The following SYT9 variants were observed in gnomAD, a reference collection of about 807,000 sequenced individuals.
SYT9 encodes synaptotagmin-9.
SYT9 carries 22 observed loss-of-function variants against 48.4 expected under a neutral mutation model. The observed-to-expected ratio is 0.45, with a 90% CI of 0.32 to 0.65. SYT9 has a LOEUF of 0.65. SYT9 is among the 30% of genes least tolerant of loss of function. The pLI is 0.03. For synonymous variants in SYT9, 265 were observed against 245.0 expected (o/e 1.08, Z -0.76); for missense variants, 577 against 622.0 (o/e 0.93, Z 0.77).
chr11:7,402,002 CTTTG>C (rs373379007), intron 3 of SYT9, among the ~76,000 whole-genome samples: 2 of 151,838 alleles, frequency 1.3e-5, no homozygotes, highest in Non-Finnish European at 2.9e-5. Flanking sequence ...ATAAGCACTA[CTTTG>C]TTTGTGTCCT....
At chr11:7,373,935 T>C (rs60041559) in intron 3 of SYT9, among the ~76,000 whole-genome samples, 17,723 of 152,112 alleles carry the variant, frequency 0.12, 1,456 homozygotes, top group African/African-American at 0.22. Context: ...TTATTATTAT[T>C]ATTATACTTT....
intron 3 of SYT9, among the ~76,000 whole-genome samples, chr11:7,324,352 C>T (rs1476112983): frequency 6.6e-6 from 1 of 151,812 alleles, no homozygotes; most frequent in Non-Finnish European, 1.5e-5. Context: ...TTGGCCTTTT[C>T]AAATAACCAA....
chr11:7,335,960 C>T (rs1393433889), intron 3 of SYT9, among the ~76,000 whole-genome samples: 1 of 152,218 alleles, frequency 6.6e-6, no homozygotes, highest in Non-Finnish European at 1.5e-5. Context: ...CTCCCACCAA[C>T]AGCATATAAG....
chr11:7,316,301 C>T (rs1849242577), intron 3 of SYT9, among the ~76,000 whole-genome samples: 1 of 151,992 alleles, frequency 6.6e-6, no homozygotes, highest in Non-Finnish European at 1.5e-5. Flanking sequence ...GAGAAAACCA[C>T]TATCTTTAAT....
chr11:7,344,733 A>G (rs563392456), intron 3 of SYT9, among the ~76,000 whole-genome samples: 3 of 152,274 alleles, frequency 2.0e-5, no homozygotes, highest in African/African-American at 4.8e-5. Flanking sequence ...ATATGAGTCT[A>G]TTCTGGACTC....
chr11:7,468,048 G>C lies in SYT9; in HGVS notation c.*1248G>C, dbSNP rs1848362459. ...TCAGCATATCCTGGGAGGACTGGGG[G>C]CTGTTACCTAATGGTCCTCTCTGTC... On this transcript the variant is annotated 3_prime_UTR_variant, in exon 7 of 7. Transcript: ENST00000318881. 2.6e-6 allele frequency: 1 copy of C among 381,424 alleles called. No homozygotes were observed. The highest frequency in any genetic ancestry group is 4.6e-6 in the Non-Finnish European group (1 of 215,610). The allele number at this position is 381,424 out of a possible 1,614,324, so 23.6% of individuals were successfully genotyped here. A position where few individuals can be genotyped will look rare whatever the true frequency, so the allele number is the denominator to read the frequency against.
chr11:7,360,211 G>A (rs962921657), intron 3 of SYT9, among the ~76,000 whole-genome samples: 20 of 152,222 alleles, frequency 1.3e-4, no homozygotes, highest in South Asian at 2.1e-4. Context: ...ATTGATCTAT[G>A]TCTCTGTTTT....
intron 6 of SYT9, chr11:7,454,395 C>T: frequency 1.3e-6 from 1 of 752,288 alleles, no homozygotes; most frequent in Non-Finnish European, 1.6e-6. Flanking sequence ...CTTCTCCCAG[C>T]CACCATCTTC....
Position 7,252,399 on chromosome 11 carries a change from G to A in SYT9, c.145+68G>A, listed in dbSNP as rs1208704735. 24 of 1,349,102 alleles carry A rather than the reference G, an allele frequency of 1.8e-5. 2 individuals are homozygous for A. In the South Asian group the frequency reaches 1.9e-4, roughly 10 times the overall value. The allele number at this position is 1,349,102 out of a possible 1,614,324, so 83.6% of individuals were successfully genotyped here. A position where few individuals can be genotyped will look rare whatever the true frequency, so the allele number is the denominator to read the frequency against. On this transcript the variant is annotated intron_variant, in intron 1 of 6. Transcript: ENST00000318881. The surrounding 1 kb of genome is among the most constrained non-coding windows in gnomAD (Gnocchi z 6.3). ...GGCTGGGACTTGGGGCCGCACCGGGGCCTGAGGCAGAACAGCGACGCGGAC... is the reference window on the plus strand; with the variant it reads ...GGCTGGGACTTGGGGCCGCACCGGGACCTGAGGCAGAACAGCGACGCGGAC...
At chr11:7,405,107 A>C (rs1372637952) in intron 3 of SYT9, among the ~76,000 whole-genome samples, 2 of 151,984 alleles carry the variant, frequency 1.3e-5, no homozygotes, top group Non-Finnish European at 2.9e-5. Flanking sequence ...AAAAAAAAAA[A>C]AAAGCCAAAT....
intron 3 of SYT9, among the ~76,000 whole-genome samples, chr11:7,357,674 C>T (rs1417568257): frequency 6.6e-6 from 1 of 152,018 alleles, no homozygotes; most frequent in Non-Finnish European, 1.5e-5. Flanking sequence ...TACCATGAAT[C>T]ACCTCTCACT....
intron 6 of SYT9, among the ~76,000 whole-genome samples, chr11:7,455,796 C>T (rs1199498382): frequency 6.6e-6 from 1 of 152,176 alleles, no homozygotes; most frequent in Non-Finnish European, 1.5e-5. Context: ...CATGGTATCA[C>T]AATAGGCTAT....
At chr11:7,416,674 T>C (rs1339993450) in intron 4 of SYT9, among the ~76,000 whole-genome samples, 1 of 152,220 alleles carries the variant, frequency 6.6e-6, no homozygotes, top group Non-Finnish European at 1.5e-5. Context: ...TACGGGAGAA[T>C]GTGCGTAGGT....
chr11:7,461,526 C>G (rs1172548008), intron 6 of SYT9, among the ~76,000 whole-genome samples: 1 of 152,114 alleles, frequency 6.6e-6, no homozygotes, highest in Non-Finnish European at 1.5e-5. Flanking sequence ...GCACCCACCA[C>G]TACACCCAGC....
At chr11:7,292,474 G>A (rs1487877) in intron 1 of SYT9, among the ~76,000 whole-genome samples, 3,848 of 152,194 alleles carry the variant, frequency 0.025, 57 homozygotes, top group Non-Finnish European at 0.04. Flanking sequence ...GGGTGCAGGC[G>A]GCCCAAAGTC....
intron 3 of SYT9, among the ~76,000 whole-genome samples, chr11:7,339,176 T>C (rs959730360): frequency 2.0e-5 from 3 of 152,178 alleles, no homozygotes; most frequent in Non-Finnish European, 1.5e-5. Flanking sequence ...TTGCAACTCC[T>C]GCTTTTTTCT....
At chr11:7,375,731 A>G (rs1306294059) in intron 3 of SYT9, among the ~76,000 whole-genome samples, 1 of 152,136 alleles carries the variant, frequency 6.6e-6, no homozygotes, top group Admixed American at 6.5e-5. Flanking sequence ...TTATTGGTGT[A>G]TATGAATGCT....
chr11:7,465,129 A>G (rs958112204), intron 6 of SYT9, among the ~76,000 whole-genome samples: 1 of 152,148 alleles, frequency 6.6e-6, no homozygotes, highest in Non-Finnish European at 1.5e-5. Flanking sequence ...GCTCCAGGGT[A>G]GCAGCTGATC....
chr11:7,454,634 G>T (rs946215876), intron 6 of SYT9, among the ~76,000 whole-genome samples: 1 of 152,174 alleles, frequency 6.6e-6, no homozygotes, highest in African/African-American at 2.4e-5. Context: ...TGCCTACGGG[G>T]AACACATTTT....
Sources: allele counts gnomAD v4.1 joint callset (sites outside exome capture counted in the v4.1 genomes callset), GRCh38; gene constraint gnomAD v4.1.1; non-coding constraint Gnocchi (gnomAD v3.1); transcripts MANE v1.5; gene names NCBI Gene and HGNC (gene_info 2026-07-23, HGNC 2026-07-21).